The following HIP1 variants were observed in gnomAD, a reference collection of about 807,000 sequenced individuals.
HIP1 encodes huntingtin interacting protein 1, also known as huntingtin-interacting protein 1.
Under a neutral mutation model 147.6 loss-of-function variants are expected in HIP1, and 65 were observed. The observed-to-expected ratio is 0.44, with a 90% CI of 0.36 to 0.54. HIP1 has a LOEUF of 0.54. Ranked by LOEUF, HIP1 falls within the 20% of genes least tolerant of loss-of-function variation. The pLI, the probability that HIP1 is intolerant of heterozygous loss-of-function variation, is 0.00. For missense variants in HIP1, 1,061 were observed against 1,299.6 expected (o/e 0.82, Z 2.82); for synonymous variants, 479 against 504.0 (o/e 0.95, Z 0.67).
intron 6 of HIP1, among the ~76,000 whole-genome samples, chr7:75,581,581 C>G (rs1167994639): frequency 6.6e-6 from 1 of 152,098 alleles, no homozygotes; most frequent in African/African-American, 2.4e-5. Flanking sequence ...GAGTTCAAGA[C>G]CAGCCTGGCC....
In HIP1 at chr7:75,620,460, G is replaced by A. The variant is rs587633745; in HGVS notation, c.121-21213C>T. Among the ~76,000 whole-genome samples, 19 of 151,698 alleles carry A rather than the reference G, an allele frequency of 1.3e-4. No individual in the cohort carries two copies. In the South Asian group the frequency reaches 2.9e-3, roughly 23 times the overall value. On this transcript the variant is annotated intron_variant, in intron 1 of 30. Transcript: ENST00000336926. ...CCATCACTTTGGGAGGCCAAGGTGG[G>A]TGGGTCACTTGAGGTCAGAAGTTCG...
chr7:75,573,908 A>G lies in HIP1; in HGVS notation c.605-7T>C. On this transcript the variant is annotated splice_polypyrimidine_tract_variant and splice_region_variant and intron_variant, in intron 7 of 30. Coordinates refer to ENST00000336926, the MANE Select transcript of HIP1 (RefSeq NM_005338.7). ...ATGTCCAGGGAGTTGAATACTAGGAAATAAAAGTGAGGGAGAAAGGTGGTA... is the reference window on the plus strand; with the variant it reads ...ATGTCCAGGGAGTTGAATACTAGGAGATAAAAGTGAGGGAGAAAGGTGGTA... 1 of 1,606,778 alleles carries G rather than the reference A, an allele frequency of 6.2e-7. No individual in the cohort carries two copies. The highest frequency in any genetic ancestry group is 8.5e-7 in the Non-Finnish European group (1 of 1,174,116).
chr7:75,672,714 G>A (rs1554515478), intron 1 of HIP1, among the ~76,000 whole-genome samples: 1 of 152,138 alleles, frequency 6.6e-6, no homozygotes, highest in African/African-American at 2.4e-5. Context: ...GGTTGTTCAA[G>A]CTTTTGATGT....
Position 75,539,416 on chromosome 7 carries a change from G to C in HIP1, c.2968C>G (p.Leu990Val), listed in dbSNP as rs1554489434. 1 of 1,613,714 alleles carries C rather than the reference G, an allele frequency of 6.2e-7. No individual in the cohort carries two copies. ...EMDSQVRVLE[L>V]ENELQKERQK... is the part of the protein sequence containing the mutation. ...CGCTCCTTCTGCAATTCATTTTCTA[G>C]CTCTAGCACCCTAACCTGTAAGGGA... The change falls in exon 30 of 31, where the codon CTA becomes GTA. Residue 990 changes from leucine (L) to valine (V), a missense_variant. By Grantham distance (32) the Leu-to-Val change is conservative. This residue lies in a region of HIP1 where 810 missense variants were observed against 946.8 expected (regional missense o/e 0.86). Transcript: ENST00000336926.
intron 2 of HIP1, among the ~76,000 whole-genome samples, chr7:75,598,519 G>T (rs929139254): frequency 3.3e-5 from 5 of 151,300 alleles, no homozygotes; most frequent in Admixed American, 1.3e-4. Context: ...TAAAGGCAAA[G>T]AAAGGACCTG....
intron 9 of HIP1, among the ~76,000 whole-genome samples, chr7:75,565,094 A>C (rs1795357102): frequency 1.3e-5 from 2 of 152,162 alleles, no homozygotes; most frequent in African/African-American, 4.8e-5. Context: ...GGCCTGCAAC[A>C]ATGAACTTTC....
At chr7:75,702,277 A>G (rs1043159638) in intron 1 of HIP1, among the ~76,000 whole-genome samples, 8 of 151,960 alleles carry the variant, frequency 5.3e-5, no homozygotes, top group African/African-American at 1.9e-4. Flanking sequence ...CATCTGGCAA[A>G]TTTTTGTATT....
At chr7:75,575,464 G>GAAACC (rs1795813280) in intron 7 of HIP1, among the ~76,000 whole-genome samples, 1 of 152,040 alleles carries the variant, frequency 6.6e-6, no homozygotes, top group Admixed American at 6.6e-5. Context: ...CATCTCAAAA[G>GAAACC]AAACCAAACC....
intron 1 of HIP1, among the ~76,000 whole-genome samples, chr7:75,612,243 G>C (rs1290044703): frequency 6.6e-6 from 1 of 152,160 alleles, no homozygotes; most frequent in Non-Finnish European, 1.5e-5. Flanking sequence ...GGGCACGGTG[G>C]CTCCACCTGT....
intron 1 of HIP1, among the ~76,000 whole-genome samples, chr7:75,637,863 C>A (rs1348313389): frequency 1.3e-5 from 2 of 151,870 alleles, no homozygotes; most frequent in African/African-American, 4.8e-5. Flanking sequence ...GGCAGAGAAC[C>A]AACCTCCCTT....
Position 75,643,728 on chromosome 7 carries a change from G to A in HIP1, c.121-44481C>T, listed in dbSNP as rs1345776797. Reference sequence around the variant, plus strand: ...GAAATAATAGGGTATGGCTGGGCGCGGTGGCTCACACCTATAATCCCAGAA... The same window carrying A: ...GAAATAATAGGGTATGGCTGGGCGCAGTGGCTCACACCTATAATCCCAGAA... On this transcript the variant is annotated intron_variant, in intron 1 of 30. Transcript: ENST00000336926. Among the ~76,000 whole-genome samples the A allele has an allele frequency of 3.9e-5, 6 of 152,204 alleles. No homozygotes were observed. In the South Asian group the frequency reaches 6.2e-4, roughly 16 times the overall value.
chr7:75,664,382 GTA>G (rs782178490), intron 1 of HIP1, among the ~76,000 whole-genome samples: 6 of 135,562 alleles, frequency 4.4e-5, no homozygotes, highest in African/African-American at 8.5e-5. Context: ...ATACATATGT[GTA>G]TGTATACGTA....
At chr7:75,720,135 T>G (rs1801454524) in intron 1 of HIP1, among the ~76,000 whole-genome samples, 1 of 151,508 alleles carries the variant, frequency 6.6e-6, no homozygotes, top group Non-Finnish European at 1.5e-5. Flanking sequence ...GGTTTCAAGT[T>G]TTTTGTTTTG....
At chr7:75,724,146 G>A (rs372600176) in intron 1 of HIP1, among the ~76,000 whole-genome samples, 3 of 152,022 alleles carry the variant, frequency 2.0e-5, no homozygotes, top group Admixed American at 1.3e-4. Flanking sequence ...TAGTAGAGAC[G>A]GGGTTTCACC....
chr7:75,664,252 A>G (rs985516224), intron 1 of HIP1, among the ~76,000 whole-genome samples: 1 of 147,242 alleles, frequency 6.8e-6, no homozygotes, highest in African/African-American at 2.5e-5. Flanking sequence ...CATACTATAT[A>G]CACACATATA....
intron 25 of HIP1, among the ~76,000 whole-genome samples, chr7:75,546,130 A>T (rs2116754684): frequency 6.6e-6 from 1 of 152,296 alleles, no homozygotes; most frequent in Middle Eastern, 3.4e-3. Context: ...TCATATGAAT[A>T]AGTTATGATC....
In HIP1 at chr7:75,627,172, C is replaced by T. The variant is rs782090991; in HGVS notation, c.121-27925G>A. ...CAGTGCACTCAAGGCTATCTCTCCT[C>T]GGGGACAGAGAAGCCAAAGTGTGTA... is the stretch of plus-strand genomic sequence containing the variant. On this transcript the variant is annotated intron_variant, in intron 1 of 30. Coordinates refer to ENST00000336926, the MANE Select transcript of HIP1 (RefSeq NM_005338.7). Among the ~76,000 whole-genome samples, 84 of 152,180 alleles carry T rather than the reference C, an allele frequency of 5.5e-4. 1 individual carries two copies. Among genetic ancestry groups the T allele is most frequent in the Non-Finnish European group, 2.8e-4 (19 of 68,020 alleles).
At chr7:75,549,415 G>A (rs587687646) in intron 22 of HIP1, among the ~76,000 whole-genome samples, 1 of 148,004 alleles carries the variant, frequency 6.8e-6, no homozygotes, top group East Asian at 2.0e-4. Flanking sequence ...CTGTTGCCCA[G>A]GCTGGAGTAC....
At chr7:75,730,471 C>T (rs1801803679) in intron 1 of HIP1, among the ~76,000 whole-genome samples, 1 of 151,724 alleles carries the variant, frequency 6.6e-6, no homozygotes, top group African/African-American at 2.4e-5. Flanking sequence ...TCCCAAGTAG[C>T]TGGGATTACA....
Sources: allele counts gnomAD v4.1 joint callset (sites outside exome capture counted in the v4.1 genomes callset), GRCh38; gene constraint gnomAD v4.1.1; regional missense constraint gnomAD v4.1.1; transcripts MANE v1.5; gene names NCBI Gene and HGNC (gene_info 2026-07-23, HGNC 2026-07-21).